The following PLAC8 variants were observed in gnomAD, a reference collection of about 807,000 sequenced individuals.
PLAC8 encodes placenta associated 8, also known as placenta-specific gene 8 protein.
PLAC8 carries 6 observed loss-of-function variants against 12.6 expected under a neutral mutation model. The ratio of observed to expected loss-of-function variants is 0.48; its 90% CI spans 0.26 to 0.94. PLAC8 has a LOEUF of 0.94. Ranked by LOEUF, PLAC8 falls within the 40% of genes least tolerant of loss-of-function variation. The probability of loss-of-function intolerance (pLI) is 0.14; values close to 1 mark genes in which losing one functional copy is unlikely to be tolerated. For missense variants in PLAC8, 122 were observed against 152.7 expected (o/e 0.80, Z 1.06); for synonymous variants, 54 against 52.6 (o/e 1.03, Z -0.11).
At chr4:83,093,782 C>T (rs1253939798) in intron 4 of PLAC8, 2 of 152,074 alleles carry the variant, frequency 1.3e-5, no homozygotes, top group African/African-American at 2.4e-5. Flanking sequence ...TTATCTTGCT[C>T]CCCAACCCTA....
In PLAC8 at chr4:83,107,565, A is replaced by G. The variant is rs147530350; in HGVS notation, c.118+239T>C. Among the ~76,000 whole-genome samples, 89 of 129,056 alleles carry G rather than the reference A, an allele frequency of 6.9e-4. 2 individuals are homozygous for G. In the East Asian group the frequency reaches 0.022, roughly 32 times the overall value. 84.7% of individuals were successfully genotyped at this position (129,056 alleles called of 152,430 possible). On this transcript the variant is annotated intron_variant, in intron 2 of 4. Coordinates refer to ENST00000311507, the MANE Select transcript of PLAC8 (RefSeq NM_016619.3). The stretch of plus-strand genomic sequence containing the variant: ...ATTATCTTAACCCAGAACTTATTTT[A>G]GGAGTAAGACTGTTCTTTGAAGGGC...
chr4:83,104,928 T>A lies in PLAC8; in HGVS notation c.211A>T (p.Arg71Trp), dbSNP rs1444834937. The A allele has an allele frequency of 6.2e-7, 1 of 1,614,138 alleles. No individual in the cohort carries two copies. Among genetic ancestry groups the A allele is most frequent in the Non-Finnish European group, 8.5e-7 (1 of 1,180,006 alleles). ...CCATATCGGGTCCTGTAGAGAGTCC[T>A]CATTGCGACGCTTGTTCCACACAGA... ...CCLCGTSVAM[R>W]TLYRTRYGIP... The change falls in exon 3 of 5, where the codon AGG becomes TGG. Residue 71 changes from arginine to tryptophan, a missense_variant. Coordinates refer to ENST00000311507, the MANE Select transcript of PLAC8 (RefSeq NM_016619.3).
intron 3 of PLAC8, among the ~76,000 whole-genome samples, chr4:83,095,413 T>G (rs1731902270): frequency 6.6e-6 from 1 of 152,100 alleles, no homozygotes; most frequent in South Asian, 2.1e-4. Context: ...GGAAAAATAC[T>G]AACAAAAACT....
In PLAC8 at chr4:83,112,706, C is replaced by T. The variant is rs1732451051; in HGVS notation, c.-30+1960G>A. Among the ~76,000 whole-genome samples, 2 of 152,222 alleles carry T rather than the reference C, an allele frequency of 1.3e-5. 1 individual carries two copies. Among genetic ancestry groups the T allele is most frequent in the South Asian group, 4.1e-4 (2 of 4,832 alleles). On this transcript the variant is annotated intron_variant, in intron 1 of 4. Coordinates refer to ENST00000311507, the MANE Select transcript of PLAC8 (RefSeq NM_016619.3). Reference sequence around the variant, plus strand: ...TATAAAACAGATGAGAAAGCAAACACACTCATTTGTACGCGCCTCTGTGAT... The same window carrying T: ...TATAAAACAGATGAGAAAGCAAACATACTCATTTGTACGCGCCTCTGTGAT...
intron 3 of PLAC8, among the ~76,000 whole-genome samples, chr4:83,103,121 G>A (rs541575572): frequency 6.6e-6 from 1 of 150,980 alleles, no homozygotes; most frequent in African/African-American, 2.4e-5. Flanking sequence ...TTGAGGCTGG[G>A]CGCGGTGGCT....
intron 3 of PLAC8, among the ~76,000 whole-genome samples, chr4:83,100,212 T>C (rs190564318): frequency 9.7e-4 from 133 of 137,096 alleles, no homozygotes; most frequent in African/African-American, 2.0e-3. Context: ...ACCCAGGAGG[T>C]GGAGCTTGCA....
At chr4:83,109,716 T>TGGGC (rs1197511579) in intron 1 of PLAC8, 1 of 108,308 alleles carries the variant, frequency 9.2e-6, no homozygotes, top group Non-Finnish European at 1.9e-5. Flanking sequence ...AGTGGGTGGG[T>TGGGC]GGGCTTCTTA....
chr4:83,112,274 C>A (rs1199665189), intron 1 of PLAC8, among the ~76,000 whole-genome samples: 1 of 149,558 alleles, frequency 6.7e-6, no homozygotes, highest in East Asian at 1.9e-4. Context: ...ATGCTAACTG[C>A]CAGTTAGTTT....
chr4:83,112,390 C>G (rs1435539081), intron 1 of PLAC8, among the ~76,000 whole-genome samples: 1 of 152,030 alleles, frequency 6.6e-6, no homozygotes, highest in African/African-American at 2.4e-5. Context: ...TTGACTTCCT[C>G]TTTTGAATGT....
rs1300274296 is a variant in PLAC8, at chr4:83,097,857, A to G, written c.244-3066T>C. On this transcript the variant is annotated intron_variant, in intron 3 of 4. Transcript: ENST00000311507. ...CGGAATGTAATTTTGTCTAGTTTTG[A>G]GGGTTTTTTTTTTTTTTTTTGAGAT... Among the ~76,000 whole-genome samples the G allele has an allele frequency of 8.7e-5, 11 of 125,732 alleles. No individual in the cohort carries two copies. In the East Asian group the frequency reaches 2.5e-3, roughly 29 times the overall value. 82.5% of individuals were successfully genotyped at this position (125,732 alleles called of 152,430 possible).
chr4:83,098,966 T>C (rs371024314), intron 3 of PLAC8, among the ~76,000 whole-genome samples: 1 of 152,136 alleles, frequency 6.6e-6, no homozygotes, highest in African/African-American at 2.4e-5. Flanking sequence ...TTGTCAAATA[T>C]CAAATGACTT....
At position 83,107,848 on chromosome 4, in the gene PLAC8, T is replaced by C. The variant is rs1233991023; in HGVS notation, c.74A>G (p.Asn25Ser). Residue 25 changes from asparagine (N) to serine (S), a missense_variant, in exon 2 of 5, where the codon AAC becomes AGC. By Grantham distance (46) the Asn-to-Ser change is conservative (BLOSUM62 1). Transcript: ENST00000311507. ...ACAGTCACACATGCCTGTCTGCCAG[T>C]TGGAGTTCTGGGGGGCCGGACCGGG... ...VGPGPAPQNS[N>S]WQTGMCDCFS... The C allele has an allele frequency of 6.2e-6, 10 of 1,608,860 alleles. No individual in the cohort carries two copies. Among genetic ancestry groups the C allele is most frequent in the Non-Finnish European group, 8.5e-6 (10 of 1,176,966 alleles).
chr4:83,110,546 G>C (rs1189368716), intron 1 of PLAC8, among the ~76,000 whole-genome samples: 3 of 152,194 alleles, frequency 2.0e-5, no homozygotes, highest in Non-Finnish European at 4.4e-5. Context: ...ACCTTAGCTC[G>C]GGACCTGGTA....
At chr4:83,091,188 C>T (rs1731798906) in intron 4 of PLAC8, among the ~76,000 whole-genome samples, 2 of 152,182 alleles carry the variant, frequency 1.3e-5, no homozygotes, top group Admixed American at 6.5e-5. Flanking sequence ...TGCATTACTA[C>T]TAATCAAAGC....
chr4:83,109,583 G>C (rs902590081), intron 1 of PLAC8: 4 of 152,292 alleles, frequency 2.6e-5, no homozygotes, highest in Non-Finnish European at 5.9e-5. Flanking sequence ...CTAGGCGAAC[G>C]TGTGTCTGGC....
intron 2 of PLAC8, among the ~76,000 whole-genome samples, chr4:83,107,044 A>G (rs1461179326): frequency 6.6e-6 from 1 of 152,078 alleles, no homozygotes; most frequent in Admixed American, 6.6e-5. Context: ...TACTAAAAAT[A>G]CAAAAATTAG....
intron 4 of PLAC8, chr4:83,093,965 A>G (rs1731866874): frequency 6.6e-6 from 1 of 152,204 alleles, no homozygotes; most frequent in Admixed American, 6.5e-5. Context: ...CAGAGTCCTT[A>G]TCACTTCAGG....
At chr4:83,107,763 C>A in intron 2 of PLAC8, 41 bp downstream of exon 2, 1 of 1,211,770 alleles carries the variant, frequency 8.3e-7, no homozygotes, top group Non-Finnish European at 1.2e-6. Context: ...TGGTAATTCA[C>A]CTCGGTATCA....
chr4:83,101,137 T>C (rs770406263), intron 3 of PLAC8, among the ~76,000 whole-genome samples: 9 of 152,104 alleles, frequency 5.9e-5, no homozygotes, highest in Non-Finnish European at 8.8e-5. Flanking sequence ...CCCAGCACTT[T>C]GGGAGGCCGA....
Sources: allele counts gnomAD v4.1 joint callset (sites outside exome capture counted in the v4.1 genomes callset), GRCh38; gene constraint gnomAD v4.1.1; transcripts MANE v1.5; gene names NCBI Gene and HGNC (gene_info 2026-07-23, HGNC 2026-07-21).